Variants in XRCC4 observed in about 807,000 individuals in gnomAD.
XRCC4 encodes DNA repair protein XRCC4.
XRCC4 carries 28 observed loss-of-function variants against 39.1 expected under a neutral mutation model. That is an observed-to-expected ratio of 0.72 (90% CI 0.53 to 0.98). The LOEUF (loss-of-function observed/expected upper bound fraction) is 0.98, where lower values mean the gene tolerates loss of function less well. XRCC4 is among the 50% of genes least tolerant of loss of function. The pLI, the probability that XRCC4 is intolerant of heterozygous loss-of-function variation, is 0.00. For missense variants in XRCC4, 350 were observed against 376.4 expected (o/e 0.93, Z 0.58); for synonymous variants, 123 against 126.4 (o/e 0.97, Z 0.18).
At chr5:83,337,124 C>T (rs1756617819) in intron 7 of XRCC4, among the ~76,000 whole-genome samples, 1 of 152,058 alleles carries the variant, frequency 6.6e-6, no homozygotes, top group South Asian at 2.1e-4. Flanking sequence ...TTTTTTCACA[C>T]TCAACTCTAA....
chr5:83,106,913 A>C (rs1746226872), intron 2 of XRCC4, among the ~76,000 whole-genome samples: 2 of 152,038 alleles, frequency 1.3e-5, no homozygotes, highest in Admixed American at 1.3e-4. Context: ...TAGAGTTAGC[A>C]TGTTTTTGAA....
chr5:83,135,273 A>G (rs1162050847), intron 3 of XRCC4, among the ~76,000 whole-genome samples: 2 of 152,134 alleles, frequency 1.3e-5, no homozygotes, highest in African/African-American at 4.8e-5. Context: ...TCCATTGGAA[A>G]TGCAGAAATC....
At chr5:83,220,219 A>T (rs1300505062) in intron 6 of XRCC4, among the ~76,000 whole-genome samples, 1 of 152,192 alleles carries the variant, frequency 6.6e-6, no homozygotes, top group Non-Finnish European at 1.5e-5. Flanking sequence ...TGTCCCAGGA[A>T]CGTGAAGCTA....
At chr5:83,348,023 T>C (rs999921698) in intron 7 of XRCC4, among the ~76,000 whole-genome samples, 8 of 152,176 alleles carry the variant, frequency 5.3e-5, no homozygotes, top group African/African-American at 1.9e-4. Context: ...ATGTCTCACA[T>C]CCAGGGCACA....
intron 7 of XRCC4, among the ~76,000 whole-genome samples, chr5:83,339,354 G>A (rs1756687011): frequency 6.6e-6 from 1 of 151,892 alleles, no homozygotes; most frequent in African/African-American, 2.4e-5. Flanking sequence ...AAAAATTCAA[G>A]CTGCAAAAGT....
chr5:83,099,129 T>G (rs1364675480), intron 1 of XRCC4, among the ~76,000 whole-genome samples: 1 of 152,214 alleles, frequency 6.6e-6, no homozygotes, highest in Non-Finnish European at 1.5e-5. Context: ...GCATATGCTG[T>G]GTGCTAATCT....
At chr5:83,349,211 G>A (rs965922908) in intron 7 of XRCC4, among the ~76,000 whole-genome samples, 1 of 152,078 alleles carries the variant, frequency 6.6e-6, no homozygotes, top group Non-Finnish European at 1.5e-5. Flanking sequence ...CACAAGAATA[G>A]CAAGGGAGAA....
intron 7 of XRCC4, among the ~76,000 whole-genome samples, chr5:83,289,099 G>T (rs577936031): frequency 6.6e-6 from 1 of 151,738 alleles, no homozygotes; most frequent in Non-Finnish European, 1.5e-5. Flanking sequence ...CAGTGCTTTT[G>T]ATTTCTAGCA....
chr5:83,200,478 T>C (rs184639976), intron 4 of XRCC4, among the ~76,000 whole-genome samples: 3 of 152,360 alleles, frequency 2.0e-5, no homozygotes, highest in Non-Finnish European at 4.4e-5. Context: ...TGATACTGGT[T>C]ACTTAAGATT....
chr5:83,323,046 C>T (rs138478171), intron 7 of XRCC4, among the ~76,000 whole-genome samples: 24 of 151,974 alleles, frequency 1.6e-4, no homozygotes, highest in African/African-American at 4.3e-4. Flanking sequence ...TATGTGGGAG[C>T]GGATGGGGAG....
At chr5:83,180,546 C>T (rs1233398255) in intron 3 of XRCC4, among the ~76,000 whole-genome samples, 1 of 152,096 alleles carries the variant, frequency 6.6e-6, no homozygotes, top group Non-Finnish European at 1.5e-5. Flanking sequence ...AAAATTGTTT[C>T]TGCTAATTTC....
intron 7 of XRCC4, among the ~76,000 whole-genome samples, chr5:83,343,140 CCCTTA>C (rs1322090260): frequency 6.6e-6 from 1 of 151,794 alleles, no homozygotes; most frequent in East Asian, 1.9e-4. Flanking sequence ...TTGTACAGTG[CCCTTA>C]CCTTACCCCT....
intron 6 of XRCC4, among the ~76,000 whole-genome samples, chr5:83,247,903 AT>A (rs1157786357): frequency 6.6e-6 from 1 of 152,118 alleles, no homozygotes; most frequent in Non-Finnish European, 1.5e-5. Context: ...AACATTTTTC[AT>A]TTTTCTTGAT....
intron 6 of XRCC4, among the ~76,000 whole-genome samples, chr5:83,235,815 T>C (rs1424468752): frequency 6.6e-6 from 1 of 152,146 alleles, no homozygotes; most frequent in Non-Finnish European, 1.5e-5. Flanking sequence ...ATTTTATATT[T>C]AGAAAAACTT....
chr5:83,141,142 TCTC>T (rs560221099), intron 3 of XRCC4, among the ~76,000 whole-genome samples: 7 of 152,226 alleles, frequency 4.6e-5, no homozygotes, highest in Non-Finnish European at 1.0e-4. Flanking sequence ...ATAAGGAACT[TCTC>T]CTTTTTTGTG....
chr5:83,312,073 C>A (rs2112097148), intron 7 of XRCC4, among the ~76,000 whole-genome samples: 1 of 152,226 alleles, frequency 6.6e-6, no homozygotes, highest in Middle Eastern at 3.4e-3. Flanking sequence ...CTGCCTCTTG[C>A]CACACAGAAA....
chr5:83,270,919 A>G (rs1427887375), intron 7 of XRCC4, among the ~76,000 whole-genome samples: 2 of 151,722 alleles, frequency 1.3e-5, no homozygotes, highest in Non-Finnish European at 2.9e-5. Flanking sequence ...CTAAGTAGCT[A>G]GGATCATAGG....
intron 7 of XRCC4, among the ~76,000 whole-genome samples, chr5:83,299,558 C>T (rs1472767311): frequency 6.6e-6 from 1 of 151,978 alleles, no homozygotes; most frequent in African/African-American, 2.4e-5. Flanking sequence ...CTCTGTTTTC[C>T]ATGTATTTTA....
intron 3 of XRCC4, among the ~76,000 whole-genome samples, chr5:83,152,959 T>C (rs148564706): frequency 7.8e-4 from 119 of 152,294 alleles, no homozygotes; most frequent in African/African-American, 2.7e-3. Flanking sequence ...TGATTTTATC[T>C]CATGTAGGTT....
Sources: allele counts gnomAD v4.1 joint callset (sites outside exome capture counted in the v4.1 genomes callset), GRCh38; gene constraint gnomAD v4.1.1; transcripts MANE v1.5; gene names NCBI Gene and HGNC (gene_info 2026-07-23, HGNC 2026-07-21).